The following INTS7 variants were observed in gnomAD, a reference collection of about 807,000 sequenced individuals.
The protein encoded by INTS7 is integrator complex subunit 7.
INTS7 carries 46 observed loss-of-function variants against 109.2 expected under a neutral mutation model. The ratio of observed to expected loss-of-function variants is 0.42; its 90% confidence interval spans 0.33 to 0.54. The LOEUF is 0.54. INTS7 is among the 20% of genes least tolerant of loss of function. The probability of loss-of-function intolerance (pLI) is 0.07; values close to 1 mark genes in which losing one functional copy is unlikely to be tolerated. For missense variants in INTS7, 929 were observed against 1,132.4 expected (o/e 0.82, Z 2.58); for synonymous variants, 412 against 402.9 (o/e 1.02, Z -0.27).
chr1:211,952,523 A>G (rs1162245956), intron 17 of INTS7, 46 bp downstream of exon 17: 4 of 1,587,312 alleles, frequency 2.5e-6, no homozygotes, highest in East Asian at 2.2e-5. Context: ...TGTATGAAAA[A>G]CCCACATCCA....
intron 13 of INTS7, among the ~76,000 whole-genome samples, chr1:211,974,270 AAAAAAAATAT>A (rs1458315630): frequency 0.012 from 1,212 of 101,898 alleles, 24 homozygotes; most frequent in African/African-American, 0.03. Flanking sequence ...CTTCCCAGAA[AAAAAAAATAT>A]ATATATATAT....
chr1:211,987,935 G>A lies in INTS7; in HGVS notation c.948C>T (p.Ser316=), dbSNP rs1349489105. The change falls in exon 8 of 20, where the codon TCC becomes TCT. Residue 316 remains serine (S), a synonymous_variant. Coordinates refer to ENST00000366994, the MANE Select transcript of INTS7 (RefSeq NM_015434.4). ...SLKLGMLSVL[S]TLSGTIAIKH... ...TGATGGCGATGGTCCCTGATAGTGT[G>A]GAAAGGACAGACAACATCCCTAGTT... The A allele has an allele frequency of 2.5e-6, 4 of 1,612,572 alleles. No individual in the cohort carries two copies. In the African/African-American group the frequency reaches 5.3e-5, roughly 22 times the overall value.
Position 211,946,325 on chromosome 1 carries a change from AT to A in INTS7, c.2415+281del, listed in dbSNP as rs1188248991. On this transcript the variant is annotated intron_variant, in intron 18 of 19. Transcript: ENST00000366994. The surrounding 1 kb of genome is among the most constrained non-coding windows in gnomAD (Gnocchi z 4.3). ...TGGTGAAACCCCATCTTTACCAAAA[AT>A]AAAAAAATCAGCTGCGTGAGGTGGT... Among the ~76,000 whole-genome samples the A allele has an allele frequency of 6.6e-6, 1 of 152,170 alleles. No individual in the cohort carries two copies. The highest frequency in any genetic ancestry group is 1.5e-5 in the Non-Finnish European group (1 of 68,028).
intron 8 of INTS7, among the ~76,000 whole-genome samples, chr1:211,984,448 C>A (rs980660987): frequency 6.6e-6 from 1 of 152,170 alleles, no homozygotes; most frequent in Admixed American, 6.5e-5. Flanking sequence ...TGAAATATTT[C>A]TTTTAAATCT....
intron 7 of INTS7, among the ~76,000 whole-genome samples, chr1:212,006,160 C>A (rs1008317137): frequency 1.3e-5 from 2 of 152,074 alleles, no homozygotes; most frequent in Non-Finnish European, 1.5e-5. Flanking sequence ...CAAAGATGCA[C>A]ATTAAAAGTC....
chr1:211,969,551 C>CTTTTTTTTTTTTTTTT (rs36104773), intron 13 of INTS7, among the ~76,000 whole-genome samples: 47 of 84,972 alleles, frequency 5.5e-4, no homozygotes, highest in East Asian at 1.7e-3. Flanking sequence ...TTTTTCTTTT[C>CTTTTTTTTTTTTTTTT]TTTTTTTTTT....
At chr1:212,023,842 G>C (rs114032056) in intron 1 of INTS7, among the ~76,000 whole-genome samples, 3,981 of 152,166 alleles carry the variant, frequency 0.026, 59 homozygotes, top group African/African-American at 0.046. Context: ...AGGATTCTTA[G>C]AGTTTGAGGT....
Position 211,966,190 on chromosome 1 carries a change from T to C in INTS7, c.2183+240A>G, listed in dbSNP as rs1038098109. ...TATAATTATAATATACAAGAAGAAA[T>C]TGCTCATATTCAAAGAATGTCTTCC... On this transcript the variant is annotated intron_variant, in intron 16 of 19. Transcript: ENST00000366994. 8 of 290,352 alleles carry C rather than the reference T, an allele frequency of 2.8e-5. No individual in the cohort carries two copies. In the South Asian group the frequency reaches 3.0e-4, roughly 11 times the overall value. 18.0% of individuals were successfully genotyped at this position (290,352 alleles called of 1,614,324 possible).
intron 4 of INTS7, among the ~76,000 whole-genome samples, chr1:212,011,931 ATTC>A (rs1666183322): frequency 6.6e-6 from 1 of 152,252 alleles, no homozygotes; most frequent in African/African-American, 2.4e-5. Flanking sequence ...TATTTTTAAA[ATTC>A]TTTTTAAAAT....
intron 11 of INTS7, among the ~76,000 whole-genome samples, chr1:211,977,790 C>G (rs1664484211): frequency 6.6e-6 from 1 of 152,082 alleles, no homozygotes; most frequent in African/African-American, 2.4e-5. Context: ...CTACAGAAGC[C>G]TAAACTGGAT....
Position 211,942,596 on chromosome 1 carries a change from T to TC in INTS7, c.2602-486dup, listed in dbSNP as rs1271392593. On this transcript the variant is annotated intron_variant, in intron 19 of 19. Transcript: ENST00000366994. The surrounding 1 kb of genome is among the most constrained non-coding windows in gnomAD (Gnocchi z 4.2). ...AACACTAAGCAAATTTAAGTTAGGTTCCCCCCCAACAGTTAGTCTGATTTT... is the reference window on the plus strand; with the variant it reads ...AACACTAAGCAAATTTAAGTTAGGTTCCCCCCCCAACAGTTAGTCTGATTTT... Among the ~76,000 whole-genome samples, 16 of 152,164 alleles carry TC rather than the reference T, an allele frequency of 1.1e-4. 1 individual carries two copies. The South Asian group carries it at 1.5e-3, about 14-fold the overall frequency.
Position 212,035,474 on chromosome 1 carries a change from C to A in INTS7, c.-37G>T, listed in dbSNP as rs78585757. The A allele has an allele frequency of 0.02, 29,376 of 1,439,158 alleles. 405 individuals carry two copies. Among genetic ancestry groups the A allele is most frequent in the African/African-American group, 0.046 (3,262 of 71,666 alleles). 89.1% of individuals were successfully genotyped at this position (1,439,158 alleles called of 1,614,324 possible). On this transcript the variant is annotated 5_prime_UTR_variant, in exon 1 of 20. Coordinates refer to ENST00000366994, the MANE Select transcript of INTS7 (RefSeq NM_015434.4). Reference sequence around the variant, plus strand: ...TTACTCGACTAGCCTAGTCAGAAAGCTTGCAAACTCTACCCCAGGACCGCC... The same window carrying A: ...TTACTCGACTAGCCTAGTCAGAAAGATTGCAAACTCTACCCCAGGACCGCC...
intron 3 of INTS7, among the ~76,000 whole-genome samples, chr1:212,017,432 T>C (rs996406645): frequency 6.6e-6 from 1 of 152,158 alleles, no homozygotes; most frequent in African/African-American, 2.4e-5. Context: ...AAGTAAGAGC[T>C]CCCAATCTTT....
chr1:211,968,382 C>T (rs1664007500), intron 14 of INTS7, 131 bp downstream of exon 14: 3 of 731,374 alleles, frequency 4.1e-6, no homozygotes, highest in African/African-American at 1.8e-5. Context: ...TTTAGCCAGA[C>T]AGTTGAGTGA....
At chr1:212,003,770 A>G (rs1035258046) in intron 7 of INTS7, among the ~76,000 whole-genome samples, 1 of 152,204 alleles carries the variant, frequency 6.6e-6, no homozygotes, top group African/African-American at 2.4e-5. Flanking sequence ...AAAAATGACT[A>G]TGAGTTATAT....
chr1:211,968,572 T>C lies in INTS7; in HGVS notation c.1951A>G (p.Thr651Ala). 6.2e-7 allele frequency: 1 copy of C among 1,614,122 alleles called. No homozygotes were observed. Among genetic ancestry groups the C allele is most frequent in the South Asian group, 1.1e-5 (1 of 91,078 alleles). Residue 651 changes from threonine (T) to alanine (A), a missense_variant, in exon 14 of 20, where the codon ACA becomes GCA. Physicochemically the swap from Thr to Ala is moderately conservative, Grantham distance 58. This residue lies in a region of INTS7 where 787 missense variants were observed against 901.1 expected (regional missense o/e 0.87). Transcript: ENST00000366994. The stretch of plus-strand genomic sequence containing the variant: ...TTTCCTAAGGTCATGGCAATTGTTG[T>C]GGCAATTGCAGGTGGTGGGCTTGTC... ...LKTSPPPAIA[T>A]TIAMTLGNDL...
chr1:211,952,984 G>C (rs924516674), intron 16 of INTS7, among the ~76,000 whole-genome samples: 1 of 152,128 alleles, frequency 6.6e-6, no homozygotes, highest in Non-Finnish European at 1.5e-5. Flanking sequence ...TGCCACAGGT[G>C]AAAGAGACAT....
In INTS7 at chr1:211,986,897, A is replaced by G. The variant is rs1012305094; in HGVS notation, c.997+989T>C. Reference sequence around the variant, plus strand: ...TCCCTACACCTAGAAAGTATCATATACTATGCGGCCATAAAAGGGACAAAC... The same window carrying G: ...TCCCTACACCTAGAAAGTATCATATGCTATGCGGCCATAAAAGGGACAAAC... On this transcript the variant is annotated intron_variant, in intron 8 of 19. Transcript: ENST00000366994. Among the ~76,000 whole-genome samples, 5 of 152,360 alleles carry G rather than the reference A, an allele frequency of 3.3e-5. 1 individual carries two copies. The highest frequency in any genetic ancestry group is 4.4e-5 in the Non-Finnish European group (3 of 68,034).
At chr1:211,954,615 G>C (rs1031180901) in intron 16 of INTS7, among the ~76,000 whole-genome samples, 8 of 152,146 alleles carry the variant, frequency 5.3e-5, no homozygotes, top group Admixed American at 5.2e-4. Flanking sequence ...TTCTACATAT[G>C]GCTAACCAGT....
Sources: gnomAD v4.1 joint callset for allele counts (sites outside exome capture counted in the v4.1 genomes callset) on GRCh38, gnomAD v4.1.1 for gene constraint, gnomAD v4.1.1 regional missense constraint, Gnocchi (gnomAD v3.1) non-coding constraint, MANE v1.5 for transcripts, NCBI Gene and HGNC (gene_info 2026-07-23, HGNC 2026-07-21) for gene names.